The following CYFIP2 variants were observed in gnomAD, a reference collection of about 807,000 sequenced individuals.
CYFIP2 encodes the protein cytoplasmic FMR1 interacting protein 2.
In CYFIP2, 29 loss-of-function variants were observed where a neutral mutation model predicts 158.7. The ratio of observed to expected loss-of-function variants is 0.18; its 90% confidence interval spans 0.14 to 0.25. The LOEUF is 0.25. Among genes scored for constraint, CYFIP2 ranks in the 10% least tolerant of loss-of-function variants. The pLI, the probability that CYFIP2 is intolerant of heterozygous loss-of-function variation, is 1.00. For synonymous variants in CYFIP2, 585 were observed against 617.6 expected, an observed-to-expected ratio of 0.95 and a Z score of 0.78; for missense variants, 852 against 1,639.5, an observed-to-expected ratio of 0.52 and a Z score of 8.29.
chr5:157,369,738 C>G (rs1159906138), intron 26 of CYFIP2, among the ~76,000 whole-genome samples: 1 of 152,162 alleles, frequency 6.6e-6, no homozygotes, highest in South Asian at 2.1e-4. Flanking sequence ...CAATGGACAT[C>G]GCCAAGCACC....
At chr5:157,275,442 C>T (rs891920044) in intron 1 of CYFIP2, among the ~76,000 whole-genome samples, 3 of 152,070 alleles carry the variant, frequency 2.0e-5, no homozygotes, top group Admixed American at 1.3e-4. Flanking sequence ...GTCAATTGAC[C>T]ATAAATGTGA....
chr5:157,367,421 G>A (rs1369749335), intron 26 of CYFIP2, among the ~76,000 whole-genome samples: 1 of 152,192 alleles, frequency 6.6e-6, no homozygotes, highest in African/African-American at 2.4e-5. Flanking sequence ...TTTGTAGATA[G>A]GAAAACTGAG....
At chr5:157,350,578 C>T (rs10062206) in intron 23 of CYFIP2, among the ~76,000 whole-genome samples, 71,343 of 152,058 alleles carry the variant, frequency 0.47, 18,489 homozygotes, top group African/African-American at 0.71. Context: ...AGATTTGCTC[C>T]TTTTGCTTAG....
chr5:157,292,198 T>C (rs941025637), intron 3 of CYFIP2, among the ~76,000 whole-genome samples: 1 of 140,912 alleles, frequency 7.1e-6, no homozygotes, highest in Non-Finnish European at 1.6e-5. Flanking sequence ...TCTTTCTTTT[T>C]CTTTTTTCTT....
At chr5:157,367,701 G>T (rs1764523037) in intron 26 of CYFIP2, among the ~76,000 whole-genome samples, 1 of 150,152 alleles carries the variant, frequency 6.7e-6, no homozygotes, top group African/African-American at 2.5e-5. Flanking sequence ...ACTCAGAGAA[G>T]CAGAAAGAAA....
chr5:157,353,536 A>G (rs1447781781), intron 23 of CYFIP2, among the ~76,000 whole-genome samples: 1 of 152,232 alleles, frequency 6.6e-6, no homozygotes, highest in African/African-American at 2.4e-5. Flanking sequence ...AGACAGACAC[A>G]TAGACACATT....
At chr5:157,346,666 A>G (rs558326388) in intron 23 of CYFIP2, among the ~76,000 whole-genome samples, 7 of 152,208 alleles carry the variant, frequency 4.6e-5, no homozygotes, top group Non-Finnish European at 5.9e-5. Flanking sequence ...AATTTCTGTC[A>G]TGTTAAGCTG....
At chr5:157,315,332 A>G (rs1760055929) in intron 13 of CYFIP2, among the ~76,000 whole-genome samples, 1 of 152,240 alleles carries the variant, frequency 6.6e-6, no homozygotes, top group Non-Finnish European at 1.5e-5. Flanking sequence ...AAACGGGCAC[A>G]AAGAAACCAA....
In CYFIP2 at chr5:157,330,786, G is replaced by T. The variant is rs1205752398; in HGVS notation, c.2201G>T (p.Gly734Val). The T allele has an allele frequency of 6.2e-7, 1 of 1,613,844 alleles. No homozygotes were observed. Among genetic ancestry groups the T allele is most frequent in the Non-Finnish European group, 8.5e-7 (1 of 1,179,894 alleles). The change falls in exon 20 of 31, where the codon GGC becomes GTC. Residue 734 changes from glycine to valine, a missense_variant. Physicochemically the swap from Gly to Val is moderately radical, Grantham distance 109 (BLOSUM62 -3). Around this residue, in one of 8 missense-constraint regions of CYFIP2, gnomAD observed 191 missense variants for 311.2 expected, o/e 0.61. Transcript: ENST00000620254. ...TTTCGAGCTGAGTGTAAGAATTATG[G>T]CGTCATCATTCCGTATCCACCGTCC... ...KRFRAECKNY[G>V]VIIPYPPSNR...
intron 8 of CYFIP2, among the ~76,000 whole-genome samples, chr5:157,307,070 G>A (rs1759291570): frequency 6.6e-6 from 1 of 152,140 alleles, no homozygotes. Context: ...AAACAAGCCA[G>A]CATTCAGGAG....
intron 13 of CYFIP2, among the ~76,000 whole-genome samples, chr5:157,318,087 A>T (rs1190402207): frequency 1.3e-5 from 2 of 152,176 alleles, no homozygotes; most frequent in Non-Finnish European, 2.9e-5. Context: ...CCTATTATGG[A>T]ATTGTGAGAA....
intron 28 of CYFIP2, among the ~76,000 whole-genome samples, chr5:157,386,732 C>T (rs1766730013): frequency 6.6e-6 from 1 of 152,078 alleles, no homozygotes. Context: ...CCAGCCTGGC[C>T]AACGTGGTGA....
chr5:157,319,851 A>T lies in CYFIP2; in HGVS notation c.1446A>T (p.Ala482=). The T allele has an allele frequency of 6.2e-7, 1 of 1,614,092 alleles. No individual in the cohort carries two copies. The highest frequency in any genetic ancestry group is 8.5e-7 in the Non-Finnish European group (1 of 1,179,918). The change falls in exon 14 of 31, where the codon GCA becomes GCT. Residue 482 remains alanine (A), a synonymous_variant. Coordinates refer to ENST00000620254, the MANE Select transcript of CYFIP2 (RefSeq NM_001037333.3). ...NQAIRNTIYA[A]LQDFAQVTLR... is the part of the protein sequence containing the mutation. ...CCATCAGGAACACCATCTACGCGGC[A>T]TTGCAGGACTTCGCCCAGGTGACGC...
intron 10 of CYFIP2, among the ~76,000 whole-genome samples, chr5:157,310,048 GCCACGCCCCTTGT>G (rs1759580322): frequency 2.0e-5 from 3 of 152,206 alleles, no homozygotes; most frequent in Non-Finnish European, 1.5e-5. Flanking sequence ...TCAGAGCACA[GCCACGCCCCTTGT>G]CCAGCCCAGC....
chr5:157,379,816 A>G (rs12653690), intron 26 of CYFIP2, among the ~76,000 whole-genome samples: 30,578 of 152,098 alleles, frequency 0.2, 3,297 homozygotes, highest in African/African-American at 0.28. Flanking sequence ...CACTGCCCAG[A>G]CAGAGCCTAT....
Position 157,333,344 on chromosome 5 carries a change from T to C in CYFIP2, c.2283T>C (p.Ile761=), listed in dbSNP as rs775371298. ...QRHVQLLGRS[I]DLNRLITQRI... ...TCATCCAGCTGTTGGGTAGATCAAT[T>C]GACTTGAACAGACTCATTACCCAGC... The change falls in exon 21 of 31, where the codon ATT becomes ATC. Residue 761 remains isoleucine (I), a synonymous_variant. Transcript: ENST00000620254. The C allele has an allele frequency of 1.2e-6, 2 of 1,613,956 alleles. No individual in the cohort carries two copies. Among genetic ancestry groups the C allele is most frequent in the Admixed American group, 3.3e-5 (2 of 60,020 alleles).
intron 21 of CYFIP2, among the ~76,000 whole-genome samples, chr5:157,337,833 T>C (rs1761970737): frequency 6.6e-6 from 1 of 152,254 alleles, no homozygotes; most frequent in South Asian, 2.1e-4. Flanking sequence ...CAAAGGACTT[T>C]CACAGCTCTT....
At chr5:157,270,129 A>G (rs749374158) in intron 1 of CYFIP2, among the ~76,000 whole-genome samples, 7 of 152,228 alleles carry the variant, frequency 4.6e-5, no homozygotes, top group Non-Finnish European at 2.9e-5. Flanking sequence ...GGAAGTAAAT[A>G]GGACCTTCTT....
At chr5:157,369,183 C>T in intron 26 of CYFIP2, among the ~76,000 whole-genome samples, 1 of 152,152 alleles carries the variant, frequency 6.6e-6, no homozygotes, top group East Asian at 1.9e-4. Flanking sequence ...TAGGCATGAG[C>T]CACCGCGCCC....
Sources: gnomAD v4.1 joint callset for allele counts (sites outside exome capture counted in the v4.1 genomes callset) on GRCh38, gnomAD v4.1.1 for gene constraint, gnomAD v4.1.1 regional missense constraint, MANE v1.5 for transcripts, NCBI Gene and HGNC (gene_info 2026-07-23, HGNC 2026-07-21) for gene names.